Variants in CEP295 observed in about 807,000 individuals in gnomAD.
CEP295 encodes the protein centrosomal protein of 295 kDa.
Under a neutral mutation model 291.6 loss-of-function variants are expected in CEP295, and 190 were observed. The ratio of observed to expected loss-of-function variants is 0.65; its 90% CI spans 0.58 to 0.73. The LOEUF (loss-of-function observed/expected upper bound fraction) is 0.73. CEP295 is among the 30% of genes least tolerant of loss of function. The pLI, the probability that CEP295 is intolerant of heterozygous loss-of-function variation, is 0.00. For missense variants in CEP295, 2,863 were observed against 2,949.4 expected (o/e 0.97, Z 0.68); for synonymous variants, 993 against 1,038.8 (o/e 0.96, Z 0.85).
Position 93,696,362 on chromosome 11 carries a change from G to C in CEP295, c.1714G>C (p.Asp572His). ...ATCATGCCCTGTAATTTCTGATGAA[G>C]ATAGTCATAGGCAGATGATTCGTAA... is the stretch of plus-strand genomic sequence containing the variant. The part of the protein sequence containing the change: ...PASCPVISDE[D>H]SHRQMIRNYQ... The change falls in exon 14 of 30, where the codon GAT becomes CAT. Residue 572 changes from aspartate to histidine, a missense_variant. Transcript: ENST00000325212. 6.4e-7 allele frequency: 1 copy of C among 1,550,834 alleles called. No homozygotes were observed. The highest frequency in any genetic ancestry group is 1.2e-5 in the South Asian group (1 of 83,994).
intron 20 of CEP295, 144 bp from the exon 21 acceptor site, chr11:93,722,897 G>A: frequency 1.7e-6 from 1 of 599,916 alleles, no homozygotes; most frequent in East Asian, 3.0e-5. Flanking sequence ...TTTTAGTAGA[G>A]ATGGGGTTTC....
intron 5 of CEP295, among the ~76,000 whole-genome samples, chr11:93,671,887 T>G (rs1484223918): frequency 6.6e-6 from 1 of 152,232 alleles, no homozygotes; most frequent in Non-Finnish European, 1.5e-5. Flanking sequence ...AAACCTAGAC[T>G]GTTTAGTCTT....
chr11:93,683,618 G>T lies in CEP295; in HGVS notation c.825G>T (p.Arg275Ser). The T allele has an allele frequency of 6.5e-7, 1 of 1,547,854 alleles. No individual in the cohort carries two copies. The highest frequency in any genetic ancestry group is 8.7e-7 in the Non-Finnish European group (1 of 1,146,154). ...KQLQQEDLARRRQTVAQMPPQ... is the reference protein window; with the variant it reads ...KQLQQEDLARSRQTVAQMPPQ... ...TACAGCAAGAGGACCTGGCACGTAG[G>T]AGACAGACTGTAGCACAAATGCCAC... The change falls in exon 8 of 30, where the codon AGG becomes AGT. Residue 275 changes from arginine (R) to serine (S), a missense_variant. Around this residue, in one of 3 missense-constraint regions of CEP295, gnomAD observed 554 missense variants for 576.0 expected, o/e 0.96. Coordinates refer to ENST00000325212, the MANE Select transcript of CEP295 (RefSeq NM_033395.2).
At chr11:93,721,501 A>T (rs762347228) in intron 19 of CEP295, 89 bp downstream of exon 19, 1 of 888,730 alleles carries the variant, frequency 1.1e-6, no homozygotes, top group Non-Finnish European at 1.9e-6. Flanking sequence ...ATGTTATAAC[A>T]TTAAAGTCAG....
chr11:93,680,175 G>A (rs1176866293), intron 7 of CEP295, among the ~76,000 whole-genome samples: 4 of 152,198 alleles, frequency 2.6e-5, no homozygotes, highest in Non-Finnish European at 5.9e-5. Flanking sequence ...TACTCAGGAG[G>A]CCAAGGTGGG....
Position 93,729,636 on chromosome 11 carries a change from T to C in CEP295, c.7422T>C (p.Pro2474=). 6.5e-7 allele frequency: 1 copy of C among 1,550,336 alleles called. No individual in the cohort carries two copies. Among genetic ancestry groups the C allele is most frequent in the Non-Finnish European group, 8.7e-7 (1 of 1,146,678 alleles). Reference sequence around the variant, plus strand: ...CAGAAACCCCTCGCAGGCTTACACCTGTACCAGGGAGCTTACAAGAAGCAT... The same window carrying C: ...CAGAAACCCCTCGCAGGCTTACACCCGTACCAGGGAGCTTACAAGAAGCAT... ...ASTETPRRLT[P]VPGSLQEAFI... is the part of the protein sequence containing the mutation. The change falls in exon 27 of 30, where the codon CCT becomes CCC. Residue 2474 remains proline (P), a synonymous_variant. Transcript: ENST00000325212.
intron 12 of CEP295, 87 bp downstream of exon 12, chr11:93,692,117 G>A (rs1273416930): frequency 7.5e-5 from 53 of 706,546 alleles, no homozygotes; most frequent in East Asian, 5.5e-5. Context: ...TTGTCTTAAT[G>A]TCTGGCTAAT....
At chr11:93,688,622 T>C (rs753676287) in intron 10 of CEP295, among the ~76,000 whole-genome samples, 23 of 152,200 alleles carry the variant, frequency 1.5e-4, no homozygotes, top group Non-Finnish European at 3.1e-4. Context: ...CTTCGCTGTT[T>C]ATCCACATCT....
intron 23 of CEP295, among the ~76,000 whole-genome samples, chr11:93,726,043 G>C (rs181121991): frequency 2.6e-5 from 4 of 152,198 alleles, no homozygotes; most frequent in African/African-American, 9.6e-5. Flanking sequence ...GTTGCCTCTT[G>C]TTCCTCAATT....
intron 23 of CEP295, 174 bp from the exon 24 acceptor site, chr11:93,726,801 GT>G: frequency 2.1e-6 from 1 of 486,794 alleles, no homozygotes. Flanking sequence ...GTGAGCTGTA[GT>G]TTGAGAAATC....
Position 93,727,350 on chromosome 11 carries a change from A to G in CEP295, c.6874A>G (p.Met2292Val). ...EELSKRGVVT[M>V]LQSQGLIEDN... is the part of the protein sequence containing the mutation. The stretch of plus-strand genomic sequence containing the variant: ...ACTATCAAAAAGAGGGGTTGTTACA[A>G]TGTTACAAAGTCAAGGACTCATTGA... The change falls in exon 24 of 30, where the codon ATG becomes GTG. Residue 2292 changes from methionine (M) to valine (V), a missense_variant. Coordinates refer to ENST00000325212, the MANE Select transcript of CEP295 (RefSeq NM_033395.2). 1.3e-6 allele frequency: 2 copies of G among 1,551,494 alleles called. No individual in the cohort carries two copies. The highest frequency in any genetic ancestry group is 2.0e-5 in the Admixed American group (1 of 50,982).
intron 18 of CEP295, among the ~76,000 whole-genome samples, chr11:93,709,030 T>TA (rs1437648850): frequency 6.6e-6 from 1 of 152,228 alleles, no homozygotes; most frequent in Non-Finnish European, 1.5e-5. Context: ...GAGCTCCTTA[T>TA]ATATTCTAGT....
chr11:93,680,217 C>T (rs372741289), intron 7 of CEP295, among the ~76,000 whole-genome samples: 11 of 152,098 alleles, frequency 7.2e-5, no homozygotes, highest in South Asian at 4.1e-4. Context: ...AAGGAGGTTG[C>T]GTTGAGCTGA....
intron 12 of CEP295, among the ~76,000 whole-genome samples, chr11:93,693,618 T>C (rs1376107591): frequency 6.6e-6 from 1 of 152,100 alleles, no homozygotes; most frequent in Non-Finnish European, 1.5e-5. Flanking sequence ...TATCTGGGCG[T>C]GGTGGTACGC....
chr11:93,665,401 C>T (rs535660381), intron 1 of CEP295, among the ~76,000 whole-genome samples: 9 of 152,260 alleles, frequency 5.9e-5, no homozygotes, highest in Admixed American at 3.9e-4. Context: ...ACAGTGTGAA[C>T]GGTAGCAACA....
chr11:93,662,490 A>G (rs796698648), intron 1 of CEP295, among the ~76,000 whole-genome samples: 6 of 152,352 alleles, frequency 3.9e-5, no homozygotes, highest in African/African-American at 1.2e-4. Context: ...ACCAGGAGCC[A>G]TTTAATCCTC....
chr11:93,696,456 G>T, intron 14 of CEP295, 39 bp downstream of exon 14: 3 of 1,286,246 alleles, frequency 2.3e-6, no homozygotes, highest in Non-Finnish European at 3.3e-6. Context: ...ATCGTATGTG[G>T]CTACATTTTT....
At chr11:93,676,415 G>T (rs1203515080) in intron 6 of CEP295, among the ~76,000 whole-genome samples, 1 of 151,686 alleles carries the variant, frequency 6.6e-6, no homozygotes, top group African/African-American at 2.4e-5. Flanking sequence ...TGTCAGTGGG[G>T]GTTTTAATTT....
intron 18 of CEP295, chr11:93,719,639 A>G (rs1185219844): frequency 6.6e-6 from 1 of 152,012 alleles, no homozygotes; most frequent in African/African-American, 2.4e-5. Context: ...TCAATTGATT[A>G]TTTACAGTCA....
Sources: gnomAD v4.1 joint callset for allele counts (sites outside exome capture counted in the v4.1 genomes callset) on GRCh38, gnomAD v4.1.1 for gene constraint, gnomAD v4.1.1 regional missense constraint, MANE v1.5 for transcripts, NCBI Gene and HGNC (gene_info 2026-07-23, HGNC 2026-07-21) for gene names.